Variants in LRMDA observed in about 807,000 individuals in gnomAD.
The protein encoded by LRMDA is leucine rich melanocyte differentiation associated, also known as leucine-rich melanocyte differentiation-associated protein.
Under a neutral mutation model 29.8 loss-of-function variants are expected in LRMDA, and 18 were observed. That is an observed-to-expected ratio of 0.60 (90% CI 0.42 to 0.90). LRMDA has a LOEUF of 0.90. LRMDA is among the 40% of genes least tolerant of loss of function. LRMDA has a pLI of 0.00. For synonymous variants in LRMDA, 125 were observed against 109.4 expected (o/e 1.14, Z -0.89); for missense variants, 273 against 273.9 (o/e 1.00, Z 0.02).
intron 2 of LRMDA, among the ~76,000 whole-genome samples, chr10:75,575,339 A>G (rs1041325456): frequency 6.6e-6 from 1 of 152,216 alleles, no homozygotes; most frequent in African/African-American, 2.4e-5. Flanking sequence ...CTAAAGTCTT[A>G]ACTCATTCCA....
At chr10:76,477,495 C>G (rs961957637) in intron 6 of LRMDA, among the ~76,000 whole-genome samples, 13 of 151,944 alleles carry the variant, frequency 8.6e-5, no homozygotes, top group African/African-American at 3.1e-4. Context: ...TTTATAGATT[C>G]AATGCCATCC....
In LRMDA at chr10:76,282,335, G is replaced by A. The variant is rs139528357; in HGVS notation, c.517-42066G>A. Among the ~76,000 whole-genome samples the A allele has an allele frequency of 4.3e-4, 66 of 152,242 alleles. 1 individual carries two copies. The East Asian group carries it at 0.01, about 24-fold the overall frequency. ...AAATTTATGTGGTAATAATTTGCTC[G>A]AAATAGATGCCGACTGTAGGAAATG... is the stretch of plus-strand genomic sequence containing the variant. On this transcript the variant is annotated intron_variant, in intron 5 of 6. Coordinates refer to ENST00000611255, the MANE Select transcript of LRMDA (RefSeq NM_001305581.2).
At chr10:75,616,853 A>G (rs1000401522) in intron 2 of LRMDA, among the ~76,000 whole-genome samples, 1 of 152,240 alleles carries the variant, frequency 6.6e-6, no homozygotes, top group Non-Finnish European at 1.5e-5. Flanking sequence ...TAGAAAGGCT[A>G]GAATATATCA....
intron 2 of LRMDA, among the ~76,000 whole-genome samples, chr10:75,627,880 T>C (rs1471888873): frequency 6.6e-6 from 1 of 152,258 alleles, no homozygotes; most frequent in African/African-American, 2.4e-5. Context: ...ATGTATCTTT[T>C]AAATCGCAAA....
intron 5 of LRMDA, among the ~76,000 whole-genome samples, chr10:76,184,814 A>T (rs938996676): frequency 2.6e-5 from 4 of 152,182 alleles, no homozygotes; most frequent in Non-Finnish European, 4.4e-5. Flanking sequence ...AGACTTCATG[A>T]TGGATGGTGC....
intron 5 of LRMDA, among the ~76,000 whole-genome samples, chr10:76,122,217 G>T (rs1331840064): frequency 6.6e-6 from 1 of 152,066 alleles, no homozygotes; most frequent in Non-Finnish European, 1.5e-5. Flanking sequence ...ACCAGGAGCA[G>T]CATCCCAGGA....
intron 2 of LRMDA, among the ~76,000 whole-genome samples, chr10:75,874,946 A>G (rs1023025474): frequency 2.6e-5 from 4 of 152,250 alleles, no homozygotes; most frequent in Non-Finnish European, 5.9e-5. Context: ...CAAGTGCCAC[A>G]TCTGTGTGTG....
intron 2 of LRMDA, among the ~76,000 whole-genome samples, chr10:75,875,721 G>A (rs564455102): frequency 2.0e-5 from 3 of 152,294 alleles, no homozygotes; most frequent in South Asian, 2.1e-4. Context: ...CGTGAGCCAC[G>A]GTGCCCAGCC....
At chr10:76,521,426 G>A (rs1229036377) in intron 6 of LRMDA, among the ~76,000 whole-genome samples, 1 of 152,104 alleles carries the variant, frequency 6.6e-6, no homozygotes, top group Non-Finnish European at 1.5e-5. Flanking sequence ...GAGCCACCGC[G>A]CCCAGCCCCA....
At chr10:76,177,919 T>C (rs75522602) in intron 5 of LRMDA, among the ~76,000 whole-genome samples, 7 of 152,200 alleles carry the variant, frequency 4.6e-5, no homozygotes, top group African/African-American at 1.4e-4. Context: ...TAGAGCTGAA[T>C]TGAAATCCTG....
At chr10:76,078,680 A>C (rs1232794251) in intron 5 of LRMDA, among the ~76,000 whole-genome samples, 1 of 152,030 alleles carries the variant, frequency 6.6e-6, no homozygotes, top group Non-Finnish European at 1.5e-5. Flanking sequence ...CTAAAAATAC[A>C]AAAAAATTAG....
intron 5 of LRMDA, among the ~76,000 whole-genome samples, chr10:76,195,905 T>C (rs1440128522): frequency 1.3e-5 from 2 of 152,244 alleles, no homozygotes; most frequent in Non-Finnish European, 2.9e-5. Context: ...AAGGTTATTA[T>C]TAAAGACACA....
At chr10:76,465,567 C>T (rs1252622214) in intron 6 of LRMDA, among the ~76,000 whole-genome samples, 2 of 152,138 alleles carry the variant, frequency 1.3e-5, no homozygotes, top group Non-Finnish European at 2.9e-5. Flanking sequence ...CCCTGGAACC[C>T]CATCTTTGAG....
At chr10:75,851,876 A>C (rs1029955681) in intron 2 of LRMDA, among the ~76,000 whole-genome samples, 3 of 152,200 alleles carry the variant, frequency 2.0e-5, no homozygotes, top group Non-Finnish European at 4.4e-5. Flanking sequence ...TTGTGTACGC[A>C]CCTAATTGTT....
intron 6 of LRMDA, among the ~76,000 whole-genome samples, chr10:76,502,464 T>G (rs1842920060): frequency 6.6e-6 from 1 of 151,870 alleles, no homozygotes; most frequent in Non-Finnish European, 1.5e-5. Flanking sequence ...ATGGCCATTT[T>G]TATATTGCTT....
intron 2 of LRMDA, among the ~76,000 whole-genome samples, chr10:75,588,376 G>C (rs547354050): frequency 1.3e-5 from 2 of 152,284 alleles, no homozygotes; most frequent in South Asian, 4.1e-4. Flanking sequence ...CCAACGAGGG[G>C]CTTGTAGTCC....
chr10:75,829,490 G>C (rs1844302976), intron 2 of LRMDA, among the ~76,000 whole-genome samples: 1 of 152,162 alleles, frequency 6.6e-6, no homozygotes, highest in African/African-American at 2.4e-5. Context: ...ATTCTAGGAT[G>C]TTAAAAAATA....
In LRMDA at chr10:75,589,222, A is replaced by C. The variant is rs139729437; in HGVS notation, c.131+150728A>C. On this transcript the variant is annotated intron_variant, in intron 2 of 6. Coordinates refer to ENST00000611255, the MANE Select transcript of LRMDA (RefSeq NM_001305581.2). ...TGAACTAATTTGTACTCTCACCAGC[A>C]ATGTTAGGGACATGCTTGTTTTTCC... Among the ~76,000 whole-genome samples, 118 of 152,330 alleles carry C rather than the reference A, an allele frequency of 7.7e-4. 2 individuals are homozygous for C. In the East Asian group the frequency reaches 0.02, roughly 26 times the overall value.
chr10:76,184,857 C>T (rs1005337682), intron 5 of LRMDA, among the ~76,000 whole-genome samples: 2 of 152,208 alleles, frequency 1.3e-5, no homozygotes, highest in African/African-American at 4.8e-5. Context: ...ACGATGTGCA[C>T]TTTCGGAATC....
Sources: allele counts gnomAD v4.1 joint callset (sites outside exome capture counted in the v4.1 genomes callset), GRCh38; gene constraint gnomAD v4.1.1; transcripts MANE v1.5; gene names NCBI Gene and HGNC (gene_info 2026-07-23, HGNC 2026-07-21).